The following NME7 variants were observed in gnomAD, a reference collection of about 807,000 sequenced individuals.
NME7 encodes the protein NME/NM23 family member 7, also known as nucleoside diphosphate kinase 7.
Under a neutral mutation model 49.1 loss-of-function variants are expected in NME7, and 41 were observed. The observed-to-expected ratio is 0.83, with a 90% confidence interval of 0.65 to 1.08. The LOEUF is 1.08. Ranked by LOEUF, NME7 falls within the 50% of genes least tolerant of loss-of-function variation. The pLI is 0.00. For missense variants in NME7, 423 were observed against 463.4 expected, an observed-to-expected ratio of 0.91 and a Z score of 0.80; for synonymous variants, 139 against 150.6, an observed-to-expected ratio of 0.92 and a Z score of 0.56.
At chr1:169,336,268 A>G (rs1652467918) in intron 1 of NME7, among the ~76,000 whole-genome samples, 1 of 152,042 alleles carries the variant, frequency 6.6e-6, no homozygotes, top group Non-Finnish European at 1.5e-5. Flanking sequence ...GCATGGACCC[A>G]AAGAGTGAGC....
At chr1:169,316,032 A>G (rs1651612520) in intron 3 of NME7, among the ~76,000 whole-genome samples, 2 of 152,088 alleles carry the variant, frequency 1.3e-5, no homozygotes, top group Admixed American at 1.3e-4. Context: ...AAAATAAAAA[A>G]CGTGCAGATT....
chr1:169,293,456 T>C (rs1650591330), intron 6 of NME7, among the ~76,000 whole-genome samples: 1 of 152,182 alleles, frequency 6.6e-6, no homozygotes, highest in Admixed American at 6.6e-5. Flanking sequence ...GACTAATCAA[T>C]CTATCCCTTG....
chr1:169,162,538 T>C (rs1430301409), intron 11 of NME7, among the ~76,000 whole-genome samples: 3 of 152,194 alleles, frequency 2.0e-5, no homozygotes, highest in Non-Finnish European at 2.9e-5. Flanking sequence ...TGAAGTGTTT[T>C]AATGTTTAAA....
At chr1:169,367,214 TG>T (rs765368490) in intron 1 of NME7, among the ~76,000 whole-genome samples, 1 of 151,922 alleles carries the variant, frequency 6.6e-6, no homozygotes, top group Non-Finnish European at 1.5e-5. Flanking sequence ...GGTAACCAAC[TG>T]GATAGAAGAG....
intron 10 of NME7, among the ~76,000 whole-genome samples, chr1:169,212,117 T>G (rs1311879700): frequency 1.3e-5 from 2 of 152,080 alleles, no homozygotes; most frequent in Non-Finnish European, 2.9e-5. Context: ...AGTATGTAAT[T>G]TTTACTAATT....
chr1:169,176,787 AAG>A (rs1659765058), intron 10 of NME7, among the ~76,000 whole-genome samples: 1 of 152,192 alleles, frequency 6.6e-6, no homozygotes, highest in Non-Finnish European at 1.5e-5. Context: ...ACTAAAAAAG[AAG>A]AGTCAGAAAA....
intron 10 of NME7, among the ~76,000 whole-genome samples, chr1:169,170,625 A>T (rs1231189237): frequency 6.6e-6 from 1 of 152,082 alleles, no homozygotes; most frequent in Non-Finnish European, 1.5e-5. Context: ...AATATTAAAA[A>T]CCTACTCAGC....
chr1:169,245,010 T>C lies in NME7; in HGVS notation c.755-7323A>G, dbSNP rs141410389. ...CAGACATAGTGCCACATGCCTGTAA[T>C]CCCAGCTACCTGGGAGGCTGAGGCA... On this transcript the variant is annotated intron_variant, in intron 7 of 11. Coordinates refer to ENST00000367811, the MANE Select transcript of NME7 (RefSeq NM_013330.5). Among the ~76,000 whole-genome samples the C allele has an allele frequency of 2.3e-3, 345 of 152,192 alleles. 1 individual carries two copies. The highest frequency in any genetic ancestry group is 0.013 in the East Asian group (67 of 5,172).
At chr1:169,226,164 A>T (rs1288765222) in intron 10 of NME7, among the ~76,000 whole-genome samples, 1 of 152,180 alleles carries the variant, frequency 6.6e-6, no homozygotes, top group Non-Finnish European at 1.5e-5. Context: ...GGGAGTGACT[A>T]GGCAATGAAG....
intron 10 of NME7, among the ~76,000 whole-genome samples, chr1:169,212,912 A>G (rs1660869092): frequency 6.6e-6 from 1 of 152,054 alleles, no homozygotes; most frequent in Non-Finnish European, 1.5e-5. Flanking sequence ...TATAGGTGTG[A>G]GCCACTATAC....
intron 11 of NME7, among the ~76,000 whole-genome samples, chr1:169,154,071 T>C (rs1445771303): frequency 6.6e-6 from 1 of 152,024 alleles, no homozygotes; most frequent in Non-Finnish European, 1.5e-5. Context: ...TGGAGTACAG[T>C]GGCATGATCA....
chr1:169,253,922 C>T (rs879295028), intron 7 of NME7, among the ~76,000 whole-genome samples: 3 of 150,280 alleles, frequency 2.0e-5, no homozygotes, highest in Admixed American at 2.0e-4. Context: ...CCCACTTGAT[C>T]ATGGTGGATA....
chr1:169,246,444 G>T (rs1648318659), intron 7 of NME7, among the ~76,000 whole-genome samples: 1 of 152,190 alleles, frequency 6.6e-6, no homozygotes, highest in African/African-American at 2.4e-5. Context: ...TTAGTAGAAA[G>T]TAGCTTTTAA....
chr1:169,275,830 G>C (rs1558017844), intron 7 of NME7, among the ~76,000 whole-genome samples: 1 of 133,144 alleles, frequency 7.5e-6, no homozygotes, highest in Non-Finnish European at 1.8e-5. Flanking sequence ...GTTTGTCATA[G>C]ATAGCTCTTA....
intron 11 of NME7, among the ~76,000 whole-genome samples, chr1:169,161,826 A>T (rs1659254322): frequency 6.6e-6 from 1 of 152,218 alleles, no homozygotes; most frequent in South Asian, 2.1e-4. Context: ...GAATGCTGCT[A>T]AAATGTAGAC....
chr1:169,350,647 G>GA (rs981911263), intron 1 of NME7, among the ~76,000 whole-genome samples: 58 of 151,384 alleles, frequency 3.8e-4, no homozygotes, highest in African/African-American at 1.2e-3. Context: ...CTTTCCTAGA[G>GA]AAATAGAAGG....
intron 11 of NME7, among the ~76,000 whole-genome samples, chr1:169,156,228 T>G (rs780940774): frequency 5.9e-5 from 9 of 151,674 alleles, no homozygotes; most frequent in Admixed American, 1.3e-4. Flanking sequence ...AGGGATCACT[T>G]GAGCCTGGGA....
chr1:169,151,555 G>A (rs1658915304), intron 11 of NME7, among the ~76,000 whole-genome samples: 1 of 152,164 alleles, frequency 6.6e-6, no homozygotes, highest in South Asian at 2.1e-4. Context: ...CAGGAGGCTG[G>A]AAGAGATGAC....
At chr1:169,350,911 T>A in intron 1 of NME7, among the ~76,000 whole-genome samples, 1 of 152,152 alleles carries the variant, frequency 6.6e-6, no homozygotes, top group East Asian at 1.9e-4. Flanking sequence ...CCAACTAGTT[T>A]CTTTAGCTAT....
Sources: allele counts gnomAD v4.1 joint callset (sites outside exome capture counted in the v4.1 genomes callset), GRCh38; gene constraint gnomAD v4.1.1; transcripts MANE v1.5; gene names NCBI Gene and HGNC (gene_info 2026-07-23, HGNC 2026-07-21).